RALGPS1: variants seen among roughly 807,000 people sequenced by gnomAD.
RALGPS1 encodes the protein ras-specific guanine nucleotide-releasing factor RalGPS1.
RALGPS1 carries 19 observed loss-of-function variants against 78.8 expected under a neutral mutation model. The observed-to-expected ratio is 0.24, with a 90% CI of 0.17 to 0.35. The LOEUF (loss-of-function observed/expected upper bound fraction) is 0.35. Ranked by LOEUF, RALGPS1 falls within the 10% of genes least tolerant of loss-of-function variation. The pLI, the probability that RALGPS1 is intolerant of heterozygous loss-of-function variation, is 1.00. For synonymous variants in RALGPS1, 228 were observed against 256.3 expected, an observed-to-expected ratio of 0.89 and a Z score of 1.06; for missense variants, 454 against 688.3, an observed-to-expected ratio of 0.66 and a Z score of 3.81.
intron 1 of RALGPS1, among the ~76,000 whole-genome samples, chr9:126,923,732 C>T (rs1024299198): frequency 1.3e-5 from 2 of 152,120 alleles, no homozygotes; most frequent in Non-Finnish European, 2.9e-5. Flanking sequence ...TTCACAGGTG[C>T]GATTATAGCA....
At chr9:127,031,301 T>C (rs74402349) in intron 4 of RALGPS1, among the ~76,000 whole-genome samples, 1 of 152,368 alleles carries the variant, frequency 6.6e-6, no homozygotes, top group Non-Finnish European at 1.5e-5. Flanking sequence ...TTAACACGGA[T>C]GGAATCTCTT....
chr9:127,128,623 G>A (rs1268873736), intron 8 of RALGPS1, among the ~76,000 whole-genome samples: 2 of 152,188 alleles, frequency 1.3e-5, no homozygotes, highest in African/African-American at 4.8e-5. Context: ...GCCTCCATCA[G>A]TCCAGATTTA....
In RALGPS1 at chr9:127,196,623, T is replaced by C; in HGVS notation, c.1187T>C (p.Leu396Pro). 6.3e-7 allele frequency: 1 copy of C among 1,597,640 alleles called. No individual in the cohort carries two copies. The highest frequency in any genetic ancestry group is 8.5e-7 in the Non-Finnish European group (1 of 1,171,026). Residue 396 changes from leucine (L) to proline (P), a missense_variant, in exon 13 of 19, where the codon CTC becomes CCC. By Grantham distance (98) the Leu-to-Pro change is moderately conservative. Coordinates refer to ENST00000259351, the MANE Select transcript of RALGPS1 (RefSeq NM_014636.3). ...TCCTCCTCTGCTGTCACCAATGGAC[T>C]CTCCCTAGGTAAGCGTCTCCGGCCT... Reference protein sequence around the residue: ...LTSSSAVTNGLSLGSSESSEF... With the variant: ...LTSSSAVTNGPSLGSSESSEF...
chr9:127,028,672 C>T (rs558571544), intron 4 of RALGPS1, among the ~76,000 whole-genome samples: 8 of 152,192 alleles, frequency 5.3e-5, no homozygotes, highest in Admixed American at 1.3e-4. Context: ...CCCCTTTGAG[C>T]ATTATTTAAT....
intron 8 of RALGPS1, among the ~76,000 whole-genome samples, chr9:127,141,103 G>A (rs1416433245): frequency 1.3e-5 from 2 of 152,140 alleles, no homozygotes; most frequent in South Asian, 2.1e-4. Context: ...TTTCTGCAGC[G>A]GTGGAGATTT....
intron 4 of RALGPS1, among the ~76,000 whole-genome samples, chr9:126,978,827 T>C (rs145668535): frequency 0.015 from 2,220 of 152,226 alleles, 29 homozygotes; most frequent in Middle Eastern, 0.065. Context: ...ACATGATCTT[T>C]AAGTCACCGT....
chr9:126,970,348 A>G (rs1264394019), intron 3 of RALGPS1, among the ~76,000 whole-genome samples: 1 of 152,208 alleles, frequency 6.6e-6, no homozygotes, highest in Non-Finnish European at 1.5e-5. Flanking sequence ...TAGACTTGAG[A>G]ATAAGAGAAC....
intron 1 of RALGPS1, among the ~76,000 whole-genome samples, chr9:126,926,744 A>G (rs1224453311): frequency 6.6e-6 from 1 of 151,978 alleles, no homozygotes; most frequent in African/African-American, 2.4e-5. Context: ...GAGCTGAGTG[A>G]GGGTTATTAT....
At chr9:127,208,452 G>A (rs2062052974) in intron 14 of RALGPS1, among the ~76,000 whole-genome samples, 1 of 152,216 alleles carries the variant, frequency 6.6e-6, no homozygotes, top group East Asian at 1.9e-4. Context: ...TTGGGCTGCA[G>A]AGTCAGACAG....
Position 126,962,212 on chromosome 9 carries a change from C to G in RALGPS1, c.-65-13C>G. 1.4e-6 allele frequency: 2 copies of G among 1,470,208 alleles called. No individual in the cohort carries two copies. Among genetic ancestry groups the G allele is most frequent in the Non-Finnish European group, 1.9e-6 (2 of 1,057,410 alleles). The allele number at this position is 1,470,208 out of a possible 1,614,324, so 91.1% of individuals were successfully genotyped here. A position where few individuals can be genotyped will look rare whatever the true frequency, so the allele number is the denominator to read the frequency against. ...TTTGAAGACTGATTTTTATGAGCCC[C>G]TTTGCCTTGCAGGACTTCTCCAGAC... On this transcript the variant is annotated splice_polypyrimidine_tract_variant and intron_variant, in intron 1 of 18. Coordinates refer to ENST00000259351, the MANE Select transcript of RALGPS1 (RefSeq NM_014636.3).
chr9:127,117,648 C>T lies in RALGPS1; in HGVS notation c.610+48292C>T, dbSNP rs146707372. On this transcript the variant is annotated intron_variant, in intron 8 of 18. Transcript: ENST00000259351. ...GACAACAGAGAGAGGAATGGTGTGGCACCCTGGGGTAGAGAAGCTTGTTTG... is the reference window on the plus strand; with the variant it reads ...GACAACAGAGAGAGGAATGGTGTGGTACCCTGGGGTAGAGAAGCTTGTTTG... Among the ~76,000 whole-genome samples, 7 of 152,366 alleles carry T rather than the reference C, an allele frequency of 4.6e-5. No individual in the cohort carries two copies. The East Asian group carries it at 1.3e-3, about 29-fold the overall frequency.
chr9:127,102,719 AGC>A (rs1564582478), intron 8 of RALGPS1, among the ~76,000 whole-genome samples: 1 of 152,198 alleles, frequency 6.6e-6, no homozygotes, highest in Non-Finnish European at 1.5e-5. Flanking sequence ...GCAATAAGGG[AGC>A]TGGCCCTCCT....
chr9:127,217,180 G>A (rs1057084944), intron 18 of RALGPS1: 2 of 1,249,418 alleles, frequency 1.6e-6, no homozygotes, highest in African/African-American at 1.5e-5. Flanking sequence ...CAGATGTGGT[G>A]TAGCATGGCA....
chr9:127,111,837 A>G (rs1013915808), intron 8 of RALGPS1, among the ~76,000 whole-genome samples: 2 of 152,214 alleles, frequency 1.3e-5, no homozygotes, highest in African/African-American at 4.8e-5. Context: ...GGTCTGCTGG[A>G]TTGGAACCTG....
At chr9:127,088,698 AGTCCT>A (rs1183880424) in intron 8 of RALGPS1, 18 of 559,834 alleles carry the variant, frequency 3.2e-5, no homozygotes, top group Middle Eastern at 9.4e-4. Context: ...AGTTGTCTGT[AGTCCT>A]GTCCTGTCCT....
At chr9:127,186,131 C>A (rs1216410476) in intron 11 of RALGPS1, among the ~76,000 whole-genome samples, 1 of 152,230 alleles carries the variant, frequency 6.6e-6, no homozygotes, top group African/African-American at 2.4e-5. Context: ...GTCTGTTGGG[C>A]AGCCTGTTGC....
intron 4 of RALGPS1, among the ~76,000 whole-genome samples, chr9:127,008,894 C>T (rs927413722): frequency 2.0e-5 from 3 of 152,192 alleles, no homozygotes; most frequent in Admixed American, 6.5e-5. Flanking sequence ...TCTTTTCCTT[C>T]GGCCTTCATT....
chr9:127,111,943 G>T (rs1320936294), intron 8 of RALGPS1, among the ~76,000 whole-genome samples: 3 of 152,200 alleles, frequency 2.0e-5, no homozygotes, highest in African/African-American at 7.2e-5. Context: ...ATTAATCTGT[G>T]CTAAAATAAC....
At chr9:126,935,307 G>C (rs1307134010) in intron 1 of RALGPS1, among the ~76,000 whole-genome samples, 1 of 152,148 alleles carries the variant, frequency 6.6e-6, no homozygotes, top group African/African-American at 2.4e-5. Flanking sequence ...TTACAAGACT[G>C]AAACCAGCAT....
Sources: allele counts gnomAD v4.1 joint callset (sites outside exome capture counted in the v4.1 genomes callset), GRCh38; gene constraint gnomAD v4.1.1; transcripts MANE v1.5; gene names NCBI Gene and HGNC (gene_info 2026-07-23, HGNC 2026-07-21).